The following AHNAK variants were observed in gnomAD, a reference collection of about 807,000 sequenced individuals.
AHNAK encodes AHNAK nucleoprotein.
Under a neutral mutation model 37.8 loss-of-function variants are expected in AHNAK, and 23 were observed. The observed-to-expected ratio is 0.61, with a 90% CI of 0.44 to 0.86. AHNAK has a LOEUF of 0.86. Ranked by LOEUF, AHNAK falls within the 40% of genes least tolerant of loss-of-function variation. The pLI is 0.00. For synonymous variants in AHNAK, 2,481 were observed against 2,636.3 expected (o/e 0.94, Z 1.80); for missense variants, 7,411 against 7,319.4 (o/e 1.01, Z -0.46).
At chr11:62,487,917 G>C (rs1318548396) in intron 5 of AHNAK, among the ~76,000 whole-genome samples, 2 of 152,136 alleles carry the variant, frequency 1.3e-5, no homozygotes, top group Admixed American at 6.6e-5. Context: ...CAGCTTCAAA[G>C]CCCATGAAAG....
intron 4 of AHNAK, among the ~76,000 whole-genome samples, chr11:62,509,243 C>CA (rs111565551): frequency 4.8e-4 from 71 of 146,964 alleles, no homozygotes; most frequent in Middle Eastern, 3.5e-3. Flanking sequence ...CCATGCATGA[C>CA]AAAAAAAAAA....
intron 5 of AHNAK, among the ~76,000 whole-genome samples, chr11:62,455,171 G>A (rs1938629726): frequency 6.6e-6 from 1 of 151,500 alleles, no homozygotes; most frequent in Non-Finnish European, 1.5e-5. Context: ...GACCTCAGGT[G>A]ATCCACCTGC....
intron 5 of AHNAK, among the ~76,000 whole-genome samples, chr11:62,446,208 C>T (rs1441410904): frequency 1.3e-5 from 2 of 152,020 alleles, no homozygotes; most frequent in African/African-American, 4.8e-5. Context: ...CAGATGAGGT[C>T]ACAGGCTCGG....
intron 5 of AHNAK, among the ~76,000 whole-genome samples, chr11:62,473,877 G>A (rs1425486182): frequency 6.6e-6 from 1 of 151,718 alleles, no homozygotes; most frequent in Non-Finnish European, 1.5e-5. Context: ...ATGTGTGCCT[G>A]TAGTCTCAGC....
At chr11:62,489,275 G>A (rs911468901) in intron 5 of AHNAK, among the ~76,000 whole-genome samples, 8 of 151,460 alleles carry the variant, frequency 5.3e-5, no homozygotes, top group African/African-American at 1.5e-4. Flanking sequence ...AGCATAGACC[G>A]GCATCATGGA....
chr11:62,457,898 G>A (rs949911143), intron 5 of AHNAK, among the ~76,000 whole-genome samples: 2 of 150,024 alleles, frequency 1.3e-5, no homozygotes, highest in Non-Finnish European at 3.0e-5. Context: ...GTATCTAAAA[G>A]AGAAGCTGAA....
At chr11:62,435,456 G>A (rs1938142151) in intron 5 of AHNAK, among the ~76,000 whole-genome samples, 2 of 151,996 alleles carry the variant, frequency 1.3e-5, no homozygotes, top group Non-Finnish European at 2.9e-5. Flanking sequence ...TGTTGCCCAG[G>A]CTGGAATGCA....
rs145197071 is a variant in AHNAK at position 62,525,556 on chromosome 11, G to C, written c.8861C>G (p.Pro2954Arg). ...GKLKGPKFKM[P>R]EMNIKAPKIP... ...CTTGGGGGCTTTGATATTCATCTCT[G>C]GCATCTTGAACTTGGGCCCTTTCAA... The change falls in exon 5 of 5, where the codon CCA becomes CGA. Residue 2954 changes from proline (P) to arginine (R), a missense_variant. Transcript: ENST00000378024. The C allele has an allele frequency of 6.2e-7, 1 of 1,613,710 alleles. No homozygotes were observed. Among genetic ancestry groups the C allele is most frequent in the African/African-American group, 1.3e-5 (1 of 74,760 alleles).
Position 62,528,660 on chromosome 11 carries a change from G to A in AHNAK, c.5757C>T (p.Ala1919=), listed in dbSNP as rs777076743. 1.2e-6 allele frequency: 2 copies of A among 1,609,170 alleles called. No individual in the cohort carries two copies. Among genetic ancestry groups the A allele is most frequent in the Non-Finnish European group, 1.7e-6 (2 of 1,179,000 alleles). ...CCACATCAGGCATGGAGATCTTGGG[G>A]GCCTTGAAGTGCATGTCTGGCATCT... is the stretch of plus-strand genomic sequence containing the variant. The part of the protein sequence containing the change: ...KFKMPDMHFK[A]PKISMPDVDL... Residue 1919 remains alanine (A), a synonymous_variant, in exon 5 of 5, where the codon GCC becomes GCT. Coordinates refer to ENST00000378024, the MANE Select transcript of AHNAK (RefSeq NM_001620.3).
At chr11:62,442,334 G>A (rs1248611766) in intron 5 of AHNAK, among the ~76,000 whole-genome samples, 1 of 152,084 alleles carries the variant, frequency 6.6e-6, no homozygotes, top group Admixed American at 6.5e-5. Context: ...GATTGCTTGA[G>A]CCCAGGAGTT....
chr11:62,477,801 C>CAA (rs60862441), intron 5 of AHNAK, among the ~76,000 whole-genome samples: 2 of 134,286 alleles, frequency 1.5e-5, no homozygotes, highest in African/African-American at 2.7e-5. Flanking sequence ...AACTCCATCT[C>CAA]AAAAAAAAAA....
In AHNAK at chr11:62,454,929, TA is replaced by T. The variant is rs1362220723; in HGVS notation, c.443-21039del. Among the ~76,000 whole-genome samples the T allele has an allele frequency of 1.3e-3, 86 of 67,982 alleles. 1 individual carries two copies. The highest frequency in any genetic ancestry group is 6.1e-3 in the Admixed American group (31 of 5,098). 44.6% of individuals were successfully genotyped at this position (67,982 alleles called of 152,430 possible). A position where few individuals can be genotyped will look rare whatever the true frequency, so the allele number is the denominator to read the frequency against. ...AGATTTGCATTTCTTTTTATTTATT[TA>T]TTTTTTTTTTTTTTTTGAGATGGAG... On this transcript the variant is annotated intron_variant, in intron 5 of 5. Transcript: ENST00000257247.
At chr11:62,515,791 T>C (rs1428441802), downstream of AHNAK, 6 of 774,508 alleles carry the variant, frequency 7.7e-6, no homozygotes, top group South Asian at 2.4e-4. Context: ...TTAAAGTCAC[T>C]GATGAAACTA....
rs144828042 is a variant in AHNAK at position 62,438,072 on chromosome 11, C to T, written c.443-4181G>A. Among the ~76,000 whole-genome samples, 784 of 152,124 alleles carry T rather than the reference C, an allele frequency of 5.2e-3. 25 individuals carry two copies. Among genetic ancestry groups the T allele is most frequent in the Admixed American group, 0.044 (676 of 15,270 alleles). ...CCACCAGGCTCAGCTAATTTCCCAG[C>T]GCATTTGCATTTTCTGATGAATAAT... On this transcript the variant is annotated intron_variant, in intron 5 of 5. Coordinates refer to the AHNAK transcript ENST00000257247.
At position 62,516,108 on chromosome 11, in the gene AHNAK, G is replaced by A. The variant is rs1022371804; in HGVS notation, c.*636C>T. ...AATGGAAGCCCCTCATGTTGAGGGG[G>A]TGGGTTGGACAATTTGCAAACAGAT... On this transcript the variant is annotated 3_prime_UTR_variant, in exon 5 of 5. Transcript: ENST00000378024. 6 of 1,270,902 alleles carry A rather than the reference G, an allele frequency of 4.7e-6. No homozygotes were observed. The African/African-American group carries it at 7.7e-5, about 16-fold the overall frequency. 78.7% of individuals were successfully genotyped at this position (1,270,902 alleles called of 1,614,324 possible).
chr11:62,466,671 T>C (rs553374571), intron 5 of AHNAK, among the ~76,000 whole-genome samples: 13 of 152,300 alleles, frequency 8.5e-5, no homozygotes, highest in African/African-American at 3.1e-4. Flanking sequence ...CCAGCCATCA[T>C]CGCATCTTGC....
intron 5 of AHNAK, among the ~76,000 whole-genome samples, chr11:62,462,890 G>A (rs978941649): frequency 6.6e-6 from 1 of 152,150 alleles, no homozygotes; most frequent in Non-Finnish European, 1.5e-5. Flanking sequence ...CAGCACTTTG[G>A]GAGGCTGAGG....
chr11:62,476,328 G>T (rs888327255), intron 5 of AHNAK, among the ~76,000 whole-genome samples: 1 of 152,224 alleles, frequency 6.6e-6, no homozygotes, highest in Non-Finnish European at 1.5e-5. Flanking sequence ...GGCAGAGGTT[G>T]TAATGAGCCG....
chr11:62,452,942 T>C (rs2509983), intron 5 of AHNAK, among the ~76,000 whole-genome samples: 9,671 of 152,042 alleles, frequency 0.064, 1,020 homozygotes, highest in African/African-American at 0.22. Context: ...CAAGAATCGC[T>C]TGAACCCAGG....
Sources: gnomAD v4.1 joint callset for allele counts (sites outside exome capture counted in the v4.1 genomes callset) on GRCh38, gnomAD v4.1.1 for gene constraint, MANE v1.5 for transcripts, NCBI Gene and HGNC (gene_info 2026-07-23, HGNC 2026-07-21) for gene names.